Variants in BLTP3B observed in about 807,000 individuals in gnomAD.
BLTP3B encodes the protein UHRF1 (ICBP90) binding protein 1-like.
chr12:100,042,610 T>C, the BLTP3B span, among the ~76,000 whole-genome samples: 4 of 152,192 alleles, frequency 2.6e-5, no homozygotes, highest in Non-Finnish European at 4.4e-5. Flanking sequence ...CATGGACTCT[T>C]ATACAGGACA....
the BLTP3B span, among the ~76,000 whole-genome samples, chr12:100,075,918 A>G: frequency 1.3e-5 from 2 of 152,088 alleles, no homozygotes; most frequent in African/African-American, 4.8e-5. Flanking sequence ...ACGCATGGAG[A>G]CAAAAAAGGG....
At chr12:100,055,674 T>A in the BLTP3B span, among the ~76,000 whole-genome samples, 2 of 74,488 alleles carry the variant, frequency 2.7e-5, no homozygotes, top group Non-Finnish European at 2.6e-5. Context: ...AAAAACTACA[T>A]CTCAAAAAAA....
At chr12:100,063,577 G>A in the BLTP3B span, among the ~76,000 whole-genome samples, 2 of 152,020 alleles carry the variant, frequency 1.3e-5, no homozygotes, top group East Asian at 1.9e-4. Flanking sequence ...GTGGTGGCAG[G>A]TGCCTGTAAT....
the BLTP3B span, among the ~76,000 whole-genome samples, chr12:100,096,695 C>A: frequency 6.6e-6 from 1 of 151,976 alleles, no homozygotes; most frequent in African/African-American, 2.4e-5. Context: ...GTGGTGCATG[C>A]CTGTAGTCTC....
chr12:100,116,446 C>A, the BLTP3B span, among the ~76,000 whole-genome samples: 14 of 109,294 alleles, frequency 1.3e-4, no homozygotes, highest in Non-Finnish European at 1.9e-4. Flanking sequence ...AAGATCCTGT[C>A]TCAAAAAAAA....
At chr12:100,133,959 C>A in the BLTP3B span, among the ~76,000 whole-genome samples, 1 of 152,084 alleles carries the variant, frequency 6.6e-6, no homozygotes, top group Non-Finnish European at 1.5e-5. Flanking sequence ...TTTTGTTAAT[C>A]TCTGACCATG....
the BLTP3B span, among the ~76,000 whole-genome samples, chr12:100,099,135 G>C: frequency 5.9e-5 from 9 of 151,540 alleles, no homozygotes; most frequent in East Asian, 1.6e-3. Context: ...TGGGATTACA[G>C]GCATGCACCA....
the BLTP3B span, among the ~76,000 whole-genome samples, chr12:100,085,565 A>T: frequency 6.6e-6 from 1 of 152,212 alleles, no homozygotes; most frequent in Non-Finnish European, 1.5e-5. Flanking sequence ...AGGTACCAAC[A>T]TAGAAATGAC....
At chr12:100,042,417 A>C in the BLTP3B span, among the ~76,000 whole-genome samples, 3 of 152,236 alleles carry the variant, frequency 2.0e-5, no homozygotes, top group Non-Finnish European at 4.4e-5. Flanking sequence ...ACAGTGTGGT[A>C]GTATCAAAGA....
the BLTP3B span, among the ~76,000 whole-genome samples, chr12:100,133,338 C>T: frequency 1.3e-5 from 2 of 152,216 alleles, no homozygotes; most frequent in Non-Finnish European, 2.9e-5. Flanking sequence ...TGGCCTGAGA[C>T]ATCCCCCAAC....
chr12:100,046,899 T>C, the BLTP3B span, among the ~76,000 whole-genome samples: 1 of 151,950 alleles, frequency 6.6e-6, no homozygotes. Flanking sequence ...ATAAGGAGTA[T>C]AAGTAGGAAA....
At chr12:100,111,591 T>C in the BLTP3B span, among the ~76,000 whole-genome samples, 1 of 150,944 alleles carries the variant, frequency 6.6e-6, no homozygotes, top group Middle Eastern at 3.4e-3. Flanking sequence ...AGCTAGTTTT[T>C]TGTTTTTTTT....
chr12:100,045,035 C>A, the BLTP3B span, among the ~76,000 whole-genome samples: 1 of 152,160 alleles, frequency 6.6e-6, no homozygotes, highest in African/African-American at 2.4e-5. Context: ...AGGAATCCAA[C>A]TTACAAGGGA....
At chr12:100,140,729 A>AAAAAAT in the BLTP3B span, among the ~76,000 whole-genome samples, 30 of 61,480 alleles carry the variant, frequency 4.9e-4, no homozygotes, top group East Asian at 1.4e-3. Context: ...AAAAAAAAAA[A>AAAAAAT]ATATATATAT....
chr12:100,124,285 T>A, the BLTP3B span, among the ~76,000 whole-genome samples: 1 of 151,458 alleles, frequency 6.6e-6, no homozygotes, highest in African/African-American at 2.4e-5. Context: ...GTCTCTCAAA[T>A]AAATAAATAA....
chr12:100,094,187 C>T, the BLTP3B span, among the ~76,000 whole-genome samples: 1 of 152,318 alleles, frequency 6.6e-6, no homozygotes, highest in Admixed American at 6.5e-5. Context: ...GGTGCAATGG[C>T]TTGACCTCCT....
chr12:100,093,120 CG>C, the BLTP3B span, among the ~76,000 whole-genome samples: 2 of 152,180 alleles, frequency 1.3e-5, no homozygotes, highest in Non-Finnish European at 2.9e-5. Context: ...TGTTTCAACT[CG>C]GGCTACCAGT....
At chr12:100,077,132 T>C in the BLTP3B span, among the ~76,000 whole-genome samples, 2 of 152,212 alleles carry the variant, frequency 1.3e-5, no homozygotes, top group East Asian at 3.8e-4. Flanking sequence ...AGGCCACTTA[T>C]AAGATGTGGA....
At chr12:100,125,266 G>A in the BLTP3B span, among the ~76,000 whole-genome samples, 1 of 147,756 alleles carries the variant, frequency 6.8e-6, no homozygotes, top group Admixed American at 6.8e-5. Context: ...CCGGGAGGCA[G>A]AGGCTACAGT....
Sources: allele counts gnomAD v4.1 joint callset (sites outside exome capture counted in the v4.1 genomes callset), GRCh38; gene constraint gnomAD v4.1.1; transcripts MANE v1.5; gene names NCBI Gene and HGNC (gene_info 2026-07-23, HGNC 2026-07-21).